The following INPP4B variants were observed in gnomAD, a reference collection of about 807,000 sequenced individuals.
INPP4B encodes inositol polyphosphate-4-phosphatase type II B, also known as inositol polyphosphate 4-phosphatase type II.
In INPP4B, 55 loss-of-function variants were observed where a neutral mutation model predicts 122.5. That is an observed-to-expected ratio of 0.45 (90% CI 0.36 to 0.56). INPP4B has a LOEUF of 0.56. INPP4B is among the 20% of genes least tolerant of loss of function. The probability of loss-of-function intolerance (pLI) is 0.00; values close to 1 mark genes in which losing one functional copy is unlikely to be tolerated. For missense variants in INPP4B, 1,000 were observed against 1,097.7 expected, an observed-to-expected ratio of 0.91 and a Z score of 1.26; for synonymous variants, 403 against 388.7, an observed-to-expected ratio of 1.04 and a Z score of -0.43.
chr4:142,198,817 A>C (rs187313742), intron 14 of INPP4B, among the ~76,000 whole-genome samples: 14 of 152,206 alleles, frequency 9.2e-5, no homozygotes, highest in Admixed American at 8.5e-4. Context: ...ACAATTAATT[A>C]AATGACTTTT....
chr4:142,330,463 C>T (rs971590350), intron 7 of INPP4B, among the ~76,000 whole-genome samples: 3 of 152,162 alleles, frequency 2.0e-5, no homozygotes, highest in Non-Finnish European at 4.4e-5. Flanking sequence ...ACTTTCTTAT[C>T]AGTTTTTCTG....
chr4:142,252,938 A>G (rs1013941818), intron 11 of INPP4B, among the ~76,000 whole-genome samples: 1 of 152,198 alleles, frequency 6.6e-6, no homozygotes, highest in African/African-American at 2.4e-5. Context: ...CAAACATCAT[A>G]GAGTACACTT....
rs188338622 is a variant in INPP4B at position 142,393,513 on chromosome 4, C to T, written c.372+9425G>A. On this transcript the variant is annotated intron_variant, in intron 7 of 25. Coordinates refer to ENST00000262992, the MANE Select transcript of INPP4B (RefSeq NM_001101669.3). Reference sequence around the variant, plus strand: ...GTCTACTGTTTCCGATGGGTTTACACTGGTAATAGTGACATTAATGACTAA... The same window carrying T: ...GTCTACTGTTTCCGATGGGTTTACATTGGTAATAGTGACATTAATGACTAA... Among the ~76,000 whole-genome samples the T allele has an allele frequency of 1.8e-4, 28 of 152,292 alleles. No homozygotes were observed. In the East Asian group the frequency reaches 4.8e-3, roughly 26 times the overall value.
At position 142,105,090 on chromosome 4, in the gene INPP4B, G is replaced by A. The variant is rs1192560912; in HGVS notation, c.2374+3003C>T. On this transcript the variant is annotated intron_variant, in intron 23 of 25. Transcript: ENST00000262992. ...CTTTCTCTGTAACAGGCACATCCCA[G>A]TTCTAGATCCCATGAATTCCGCAAA... is the stretch of plus-strand genomic sequence containing the variant. 2.0e-5 allele frequency among the ~76,000 whole-genome samples: 3 copies of A among 151,984 alleles called. 1 individual carries two copies. Among genetic ancestry groups the A allele is most frequent in the African/African-American group, 7.3e-5 (3 of 41,366 alleles).
At chr4:142,487,445 T>A (rs1261843998) in intron 2 of INPP4B, among the ~76,000 whole-genome samples, 1 of 152,190 alleles carries the variant, frequency 6.6e-6, no homozygotes, top group Non-Finnish European at 1.5e-5. Context: ...ATCCTGTGGA[T>A]TTCTATATAA....
At chr4:142,770,363 AG>A (rs1772856271) in intron 1 of INPP4B, among the ~76,000 whole-genome samples, 1 of 152,158 alleles carries the variant, frequency 6.6e-6, no homozygotes, top group African/African-American at 2.4e-5. Context: ...TATAAGTAAA[AG>A]GGCTGTAATT....
intron 1 of INPP4B, among the ~76,000 whole-genome samples, chr4:142,744,777 G>A (rs1478598888): frequency 6.6e-6 from 1 of 151,374 alleles, no homozygotes. Context: ...AATAAAAAAG[G>A]GAAAAATTAA....
At chr4:142,391,168 T>C (rs1471969213) in intron 7 of INPP4B, among the ~76,000 whole-genome samples, 1 of 152,226 alleles carries the variant, frequency 6.6e-6, no homozygotes, top group Non-Finnish European at 1.5e-5. Context: ...AATTCCATGG[T>C]CTAAGCCAAA....
chr4:142,040,644 T>C (rs779261103), intron 25 of INPP4B, among the ~76,000 whole-genome samples: 4 of 152,308 alleles, frequency 2.6e-5, no homozygotes, highest in Non-Finnish European at 4.4e-5. Context: ...TAAATAGATA[T>C]AGATCTAGAA....
intron 7 of INPP4B, among the ~76,000 whole-genome samples, chr4:142,336,963 G>A (rs1776835230): frequency 6.6e-6 from 1 of 152,168 alleles, no homozygotes; most frequent in Non-Finnish European, 1.5e-5. Context: ...TTGTCCTTTT[G>A]TAATAATTTT....
chr4:142,652,601 T>G (rs535068025), intron 2 of INPP4B, among the ~76,000 whole-genome samples: 4 of 152,180 alleles, frequency 2.6e-5, no homozygotes, highest in African/African-American at 9.6e-5. Context: ...ATGAGTGAAC[T>G]CCCATTCACA....
chr4:142,506,952 C>T (rs1824105672), intron 2 of INPP4B, among the ~76,000 whole-genome samples: 1 of 152,104 alleles, frequency 6.6e-6, no homozygotes, highest in South Asian at 2.1e-4. Flanking sequence ...CATAATTATG[C>T]CTTATTGACT....
chr4:142,253,947 A>G (rs1189706376), intron 11 of INPP4B, among the ~76,000 whole-genome samples: 1 of 152,174 alleles, frequency 6.6e-6, no homozygotes, highest in East Asian at 1.9e-4. Flanking sequence ...TCAGACTTAA[A>G]TGTCCCTGTC....
At chr4:142,797,683 C>G (rs1561080415) in intron 1 of INPP4B, among the ~76,000 whole-genome samples, 1 of 147,722 alleles carries the variant, frequency 6.8e-6, no homozygotes, top group Non-Finnish European at 1.5e-5. Flanking sequence ...AGATTGCTAA[C>G]AAAAAAAAAT....
intron 12 of INPP4B, among the ~76,000 whole-genome samples, chr4:142,226,814 T>A (rs1294818475): frequency 6.6e-6 from 1 of 152,136 alleles, no homozygotes; most frequent in Admixed American, 6.5e-5. Context: ...ATTGATAAAG[T>A]AGAATGTGGT....
intron 23 of INPP4B, among the ~76,000 whole-genome samples, chr4:142,089,868 C>G (rs1337828760): frequency 2.0e-5 from 3 of 152,116 alleles, no homozygotes; most frequent in Non-Finnish European, 1.5e-5. Context: ...AACCCCATGT[C>G]CAAAGTGACT....
rs960881417 is a variant in INPP4B, at chr4:142,023,649, C to T, written c.*5133G>A. On this transcript the variant is annotated 3_prime_UTR_variant, in exon 26 of 26. Coordinates refer to ENST00000262992, the MANE Select transcript of INPP4B (RefSeq NM_001101669.3). ...GTGAGTGCAATAGGTCATCATTGAT[C>T]GCGTCCTTTCATGACCTGGCGGTAA... The T allele has an allele frequency of 2.0e-5, 3 of 151,470 alleles. No homozygotes were observed. The highest frequency in any genetic ancestry group is 2.9e-5 in the Non-Finnish European group (2 of 67,994). The allele number at this position is 151,470 out of a possible 1,614,324, so 9.4% of individuals were successfully genotyped here.
intron 9 of INPP4B, among the ~76,000 whole-genome samples, chr4:142,302,108 A>T (rs1265212179): frequency 6.6e-6 from 1 of 152,248 alleles, no homozygotes; most frequent in East Asian, 1.9e-4. Context: ...CGAGATCAGG[A>T]TAGAGTCAGG....
At chr4:142,467,999 G>A (rs1818122806) in intron 2 of INPP4B, 1 of 152,026 alleles carries the variant, frequency 6.6e-6, no homozygotes, top group Non-Finnish European at 1.5e-5. Context: ...ACCACGAGTG[G>A]AAGCTTTCTG....
Sources: gnomAD v4.1 joint callset for allele counts (sites outside exome capture counted in the v4.1 genomes callset) on GRCh38, gnomAD v4.1.1 for gene constraint, MANE v1.5 for transcripts, NCBI Gene and HGNC (gene_info 2026-07-23, HGNC 2026-07-21) for gene names.